The following ANKRD26 variants were observed in gnomAD, a reference collection of about 807,000 sequenced individuals.
ANKRD26 encodes ankyrin repeat domain-containing protein 26.
In ANKRD26, 141 loss-of-function variants were observed where a neutral mutation model predicts 208.7. That is an observed-to-expected ratio of 0.68 (90% CI 0.59 to 0.78). The LOEUF (loss-of-function observed/expected upper bound fraction) is 0.78. Among genes scored for constraint, ANKRD26 ranks in the 30% least tolerant of loss-of-function variants. ANKRD26 has a pLI of 0.00. For missense variants in ANKRD26, 1,889 were observed against 1,938.7 expected (o/e 0.97, Z 0.48); for synonymous variants, 636 against 660.4 (o/e 0.96, Z 0.57).
intron 9 of ANKRD26, among the ~76,000 whole-genome samples, chr10:27,070,806 T>C (rs752750124): frequency 1.3e-5 from 2 of 151,926 alleles, no homozygotes; most frequent in African/African-American, 4.8e-5. Context: ...GCTGGGATTA[T>C]AGGCACGTGC....
Position 27,093,700 on chromosome 10 carries a change from CCT to C in ANKRD26, c.340_341del (p.Arg114AspfsTer24). The C allele has an allele frequency of 1.2e-6, 2 of 1,614,060 alleles. No individual in the cohort carries two copies. ...CQLNVCDNEN[R>X]TALMKAVQCQ... ...TACTATATACCTTCATCAGAGCTGT[CCT>C]GTTTTCGTTGTCACAGACATTGAGC... On this transcript the variant is annotated frameshift_variant, in exon 2 of 34. Coordinates refer to ENST00000376087, the MANE Select transcript of ANKRD26 (RefSeq NM_014915.3). LOFTEE classifies it high-confidence loss of function.
chr10:26,989,720 G>A (rs150866443), downstream of ANKRD26, among the ~76,000 whole-genome samples: 2 of 152,100 alleles, frequency 1.3e-5, no homozygotes, highest in East Asian at 1.9e-4. Flanking sequence ...AGGCTGCCAC[G>A]GGGGCTGTCA....
intron 18 of ANKRD26, among the ~76,000 whole-genome samples, chr10:27,044,777 T>C (rs988191295): frequency 3.3e-5 from 5 of 152,108 alleles, no homozygotes; most frequent in African/African-American, 1.2e-4. Flanking sequence ...AGGAAGAAAG[T>C]AGGCACAGGA....
chr10:26,951,236 T>C, the ANKRD26 span, among the ~76,000 whole-genome samples: 2 of 152,054 alleles, frequency 1.3e-5, no homozygotes, highest in African/African-American at 2.4e-5. Flanking sequence ...TTGCTTCTGT[T>C]ATTTATGTTG....
chr10:27,054,209 T>A (rs1408822491), intron 15 of ANKRD26, among the ~76,000 whole-genome samples: 1 of 152,216 alleles, frequency 6.6e-6, no homozygotes, highest in Non-Finnish European at 1.5e-5. Context: ...TTTCAAGTTA[T>A]CTTTGTATAA....
At chr10:27,032,390 T>C (rs138703302) in intron 25 of ANKRD26, among the ~76,000 whole-genome samples, 5,075 of 152,112 alleles carry the variant, frequency 0.033, 91 homozygotes, top group Non-Finnish European at 0.039. Context: ...ATCACAGTAC[T>C]CTGGGAGGCC....
intron 1 of ANKRD26, among the ~76,000 whole-genome samples, chr10:27,099,319 TATC>T (rs1439511892): frequency 4.6e-5 from 7 of 150,590 alleles, no homozygotes; most frequent in Non-Finnish European, 8.9e-5. Flanking sequence ...GGTCACATAT[TATC>T]ATGCACTGAC....
intron 20 of ANKRD26, among the ~76,000 whole-genome samples, chr10:27,042,972 C>T (rs1215803765): frequency 7.3e-6 from 1 of 137,710 alleles, no homozygotes; most frequent in South Asian, 2.3e-4. Flanking sequence ...AAAAAAAAGA[C>T]CTAAATCTAT....
intron 24 of ANKRD26, among the ~76,000 whole-genome samples, 181 bp downstream of exon 24, chr10:27,034,615 A>G (rs527551228): frequency 1.3e-5 from 2 of 152,318 alleles, no homozygotes; most frequent in South Asian, 2.1e-4. Context: ...AGATGATACA[A>G]TATCTTTACT....
downstream of ANKRD26, among the ~76,000 whole-genome samples, chr10:26,972,096 G>T (rs531807390): frequency 2.6e-5 from 4 of 151,974 alleles, no homozygotes; most frequent in Non-Finnish European, 2.9e-5. Context: ...TTAGCCAGGC[G>T]TGGTGGCGGG....
Position 27,012,999 on chromosome 10 carries a change from C to T in ANKRD26, c.4836G>A (p.Val1612=), listed in dbSNP as rs766114521. The T allele has an allele frequency of 2.7e-5, 44 of 1,613,934 alleles. No homozygotes were observed. The African/African-American group carries it at 4.8e-4, about 18-fold the overall frequency. Residue 1612 remains valine (V), a synonymous_variant, in exon 32 of 34, where the codon GTG becomes GTA. Transcript: ENST00000376087. ...GATCTAAACTATTATTAAGATTTCCCACACAAGGTGGCTCCATGACTGGCC... is the reference window on the plus strand; with the variant it reads ...GATCTAAACTATTATTAAGATTTCCTACACAAGGTGGCTCCATGACTGGCC... ...TTRPVMEPPC[V]GNLNNSLDLN... is the part of the protein sequence containing the mutation.
At chr10:26,972,318 C>T (rs2052162452), downstream of ANKRD26, among the ~76,000 whole-genome samples, 1 of 151,236 alleles carries the variant, frequency 6.6e-6, no homozygotes, top group Non-Finnish European at 1.5e-5. Context: ...CAAAACTTTT[C>T]CTAATTACTG....
chr10:27,001,596 A>G (rs2052726471), downstream of ANKRD26, among the ~76,000 whole-genome samples: 1 of 152,194 alleles, frequency 6.6e-6, no homozygotes, highest in Non-Finnish European at 1.5e-5. Flanking sequence ...CCATTTGCAT[A>G]GTGCAGAAAA....
chr10:27,026,904 A>T (rs888807274), intron 27 of ANKRD26, among the ~76,000 whole-genome samples: 8 of 151,760 alleles, frequency 5.3e-5, no homozygotes, highest in African/African-American at 1.7e-4. Context: ...CTCCTACTTC[A>T]GCCTCCTGAG....
the ANKRD26 span, among the ~76,000 whole-genome samples, chr10:26,957,931 C>T: frequency 1.3e-5 from 2 of 152,058 alleles, no homozygotes; most frequent in Non-Finnish European, 2.9e-5. Context: ...TTTTAAGGGT[C>T]ACCTGTGACA....
At chr10:26,952,105 C>T in the ANKRD26 span, among the ~76,000 whole-genome samples, 1 of 152,192 alleles carries the variant, frequency 6.6e-6, no homozygotes, top group Admixed American at 6.5e-5. Context: ...TTTCCAGGAG[C>T]CAATGAAATT....
intron 18 of ANKRD26, among the ~76,000 whole-genome samples, chr10:27,045,423 T>TAAA (rs74940609): frequency 7.8e-6 from 1 of 127,602 alleles, no homozygotes; most frequent in East Asian, 2.2e-4. Context: ...GACTCTGACT[T>TAAA]AAAAAAAAAA....
chr10:27,046,750 G>T (rs920300416), intron 17 of ANKRD26, among the ~76,000 whole-genome samples: 1 of 151,852 alleles, frequency 6.6e-6, no homozygotes, highest in African/African-American at 2.4e-5. Flanking sequence ...CAACATAAGA[G>T]AAAATGTATA....
intron 29 of ANKRD26, among the ~76,000 whole-genome samples, chr10:27,018,760 G>A (rs185061122): frequency 6.6e-6 from 1 of 152,238 alleles, no homozygotes; most frequent in Non-Finnish European, 1.5e-5. Flanking sequence ...TGAATAAATA[G>A]TGCTGGGAAA....
Sources: allele counts gnomAD v4.1 joint callset (sites outside exome capture counted in the v4.1 genomes callset), GRCh38; gene constraint gnomAD v4.1.1; transcripts MANE v1.5; gene names NCBI Gene and HGNC (gene_info 2026-07-23, HGNC 2026-07-21).